The following TACC2 variants were observed in gnomAD, a reference collection of about 807,000 sequenced individuals.
TACC2 encodes the protein transforming acidic coiled-coil-containing protein 2.
A neutral mutation model predicts 227.3 loss-of-function variants in TACC2; 137 were observed. The ratio of observed to expected loss-of-function variants is 0.60; its 90% CI spans 0.52 to 0.69. TACC2 has a LOEUF of 0.69. TACC2 is among the 30% of genes least tolerant of loss of function. The pLI, the probability that TACC2 is intolerant of heterozygous loss-of-function variation, is 0.00. For synonymous variants in TACC2, 1,523 were observed against 1,487.5 expected (o/e 1.02, Z -0.55); for missense variants, 3,470 against 3,694.4 (o/e 0.94, Z 1.57).
intron 1 of TACC2, among the ~76,000 whole-genome samples, chr10:122,020,951 G>T (rs1198479193): frequency 1.3e-5 from 2 of 152,190 alleles, no homozygotes; most frequent in Non-Finnish European, 2.9e-5. Flanking sequence ...TCATTAATAG[G>T]CCGGGCGCGG....
At chr10:122,156,633 C>T (rs577031809) in intron 7 of TACC2, among the ~76,000 whole-genome samples, 7 of 152,344 alleles carry the variant, frequency 4.6e-5, no homozygotes, top group Admixed American at 2.0e-4. Flanking sequence ...AGTTTCTCTT[C>T]TTCAGTTGCT....
Position 122,216,768 on chromosome 10 carries a change from C to T in TACC2, c.7486C>T (p.Pro2496Ser). The change falls in exon 11 of 23, where the codon CCG (proline) becomes TCG (serine). Residue 2496 changes from proline to serine, a missense_variant. Physicochemically the swap from Pro to Ser is moderately conservative, Grantham distance 74. Around this residue, in one of 10 missense-constraint regions of TACC2, gnomAD observed 345 missense variants for 354.4 expected, o/e 0.97. Transcript: ENST00000369005. Reference sequence around the variant, plus strand: ...CCTAGAGGCTGACAAACAGGACTACCCGCAGCCCTCGGACCTGTCCACCTT... The same window carrying T: ...CCTAGAGGCTGACAAACAGGACTACTCGCAGCCCTCGGACCTGTCCACCTT... ...VDLEADKQDY[P>S]QPSDLSTFVN... The T allele has an allele frequency of 6.2e-7, 1 of 1,614,126 alleles. No individual in the cohort carries two copies. Among genetic ancestry groups the T allele is most frequent in the Non-Finnish European group, 8.5e-7 (1 of 1,180,036 alleles).
chr10:122,081,033 A>C (rs1169599423), intron 3 of TACC2, among the ~76,000 whole-genome samples: 3 of 152,368 alleles, frequency 2.0e-5, no homozygotes, highest in African/African-American at 4.8e-5. Context: ...AATATATATG[A>C]TCATAACAAG....
chr10:122,216,853 AC>A, intron 11 of TACC2, 25 bp downstream of exon 11: 1 of 1,613,982 alleles, frequency 6.2e-7, no homozygotes, highest in Non-Finnish European at 8.5e-7. Context: ...AGCCAGCTGG[AC>A]CCCCACTCTG....
intron 3 of TACC2, among the ~76,000 whole-genome samples, chr10:122,082,001 G>C (rs914413967): frequency 6.6e-6 from 1 of 152,154 alleles, no homozygotes; most frequent in Non-Finnish European, 1.5e-5. Context: ...CAAATCCCCT[G>C]TTATGATTTA....
chr10:122,187,312 G>A (rs1360856933), intron 7 of TACC2, among the ~76,000 whole-genome samples: 1 of 152,100 alleles, frequency 6.6e-6, no homozygotes, highest in Admixed American at 6.5e-5. Context: ...GCACTACCCG[G>A]AGCTCGCCCT....
rs183199496 is a variant in TACC2, at chr10:121,998,187, C to T, written c.-46+8699C>T. ...ATTAGCTGGGTGTGGTGGCAGGCGC[C>T]TGTAGTCCCAGCTACTCGGGAGGCT... On this transcript the variant is annotated intron_variant, in intron 1 of 22. Coordinates refer to ENST00000369005, the MANE Select transcript of TACC2 (RefSeq NM_206862.4). 2.8e-3 allele frequency among the ~76,000 whole-genome samples: 431 copies of T among 152,030 alleles called. 5 individuals are homozygous for T. Among genetic ancestry groups the T allele is most frequent in the African/African-American group, 9.5e-3 (392 of 41,460 alleles).
At chr10:122,092,819 G>T (rs563256149) in intron 5 of TACC2, among the ~76,000 whole-genome samples, 1 of 152,324 alleles carries the variant, frequency 6.6e-6, no homozygotes, top group East Asian at 1.9e-4. Context: ...GAGAGTGGCT[G>T]TGCATTTCTG....
chr10:122,013,413 CG>C (rs931877134), intron 1 of TACC2, among the ~76,000 whole-genome samples: 2 of 151,938 alleles, frequency 1.3e-5, no homozygotes, highest in African/African-American at 4.8e-5. Context: ...TGTATTAAAA[CG>C]GGAACATGAT....
intron 5 of TACC2, among the ~76,000 whole-genome samples, chr10:122,107,217 G>A (rs1243005202): frequency 6.6e-6 from 1 of 152,190 alleles, no homozygotes; most frequent in Non-Finnish European, 1.5e-5. Flanking sequence ...TTCTCCAAGT[G>A]TGCTCTGAAA....
intron 6 of TACC2, among the ~76,000 whole-genome samples, chr10:122,136,266 T>C (rs1284981523): frequency 6.6e-6 from 1 of 151,582 alleles, no homozygotes; most frequent in African/African-American, 2.4e-5. Flanking sequence ...ACCTTGCCCA[T>C]CTGCTGGAGA....
intron 3 of TACC2, among the ~76,000 whole-genome samples, chr10:122,055,711 TA>T (rs1272779362): frequency 6.6e-6 from 1 of 152,074 alleles, no homozygotes; most frequent in Non-Finnish European, 1.5e-5. Flanking sequence ...GAACGCAAAA[TA>T]AAAGTTTATG....
chr10:122,232,588 T>C (rs2095778241), intron 16 of TACC2, among the ~76,000 whole-genome samples: 2 of 152,216 alleles, frequency 1.3e-5, no homozygotes, highest in Non-Finnish European at 2.9e-5. Context: ...ATTCTGTGAC[T>C]GTCTTGGAGT....
At chr10:122,169,925 A>T (rs1015534326) in intron 7 of TACC2, among the ~76,000 whole-genome samples, 7 of 151,796 alleles carry the variant, frequency 4.6e-5, no homozygotes, top group Non-Finnish European at 7.4e-5. Context: ...TAATTTTTAA[A>T]TTTTTTGTAA....
chr10:122,011,430 A>C, intron 1 of TACC2, among the ~76,000 whole-genome samples: 1 of 152,140 alleles, frequency 6.6e-6, no homozygotes, highest in East Asian at 1.9e-4. Context: ...CCCGGGTTCA[A>C]GCGATTCTCC....
intron 4 of TACC2, 93 bp from the exon 5 acceptor site, chr10:122,088,385 T>G: frequency 8.1e-7 from 1 of 1,238,126 alleles, no homozygotes; most frequent in Non-Finnish European, 1.1e-6. Context: ...CACTTAAAAC[T>G]TTAATTGAGA....
At chr10:122,156,258 C>G (rs1351998361) in intron 7 of TACC2, among the ~76,000 whole-genome samples, 1 of 150,198 alleles carries the variant, frequency 6.7e-6, no homozygotes, top group Non-Finnish European at 1.5e-5. Flanking sequence ...GAGTCTTGCT[C>G]TGTCACACAG....
At chr10:122,192,499 C>T (rs1435697671) in intron 7 of TACC2, 1 of 354,530 alleles carries the variant, frequency 2.8e-6, no homozygotes, top group Admixed American at 3.6e-5. Context: ...AGGCTTTCCT[C>T]GAATCTCTGC....
Position 122,082,631 on chromosome 10 carries a change from C to G in TACC2, c.147-16C>G, listed in dbSNP as rs1010213808. The G allele has an allele frequency of 6.3e-7, 1 of 1,594,636 alleles. No homozygotes were observed. The highest frequency in any genetic ancestry group is 8.6e-7 in the Non-Finnish European group (1 of 1,169,202). On this transcript the variant is annotated splice_polypyrimidine_tract_variant and intron_variant, in intron 3 of 22. Coordinates refer to ENST00000369005, the MANE Select transcript of TACC2 (RefSeq NM_206862.4). ...TTGGCATCCATGATAACCAATGAAACATTAAATATTTTCAGCATTGGCAGC... is the reference window on the plus strand; with the variant it reads ...TTGGCATCCATGATAACCAATGAAAGATTAAATATTTTCAGCATTGGCAGC...
Sources: gnomAD v4.1 joint callset for allele counts (sites outside exome capture counted in the v4.1 genomes callset) on GRCh38, gnomAD v4.1.1 for gene constraint, gnomAD v4.1.1 regional missense constraint, MANE v1.5 for transcripts, NCBI Gene and HGNC (gene_info 2026-07-23, HGNC 2026-07-21) for gene names.